The following FBXO25 variants were observed in gnomAD, a reference collection of about 807,000 sequenced individuals.
FBXO25 encodes F-box protein 25.
Under a neutral mutation model 51.9 loss-of-function variants are expected in FBXO25, and 45 were observed. That is an observed-to-expected ratio of 0.87 (90% confidence interval 0.68 to 1.11). The LOEUF is 1.11. FBXO25 is among the 50% of genes most tolerant of loss of function. FBXO25 has a pLI of 0.00. For missense variants in FBXO25, 507 were observed against 428.5 expected, an observed-to-expected ratio of 1.18 and a Z score of -1.62; for synonymous variants, 199 against 151.0, an observed-to-expected ratio of 1.32 and a Z score of -2.33.
At chr8:458,654 TTTCTAC>T (rs756512060) in intron 8 of FBXO25, 103 bp downstream of exon 8, 15 of 1,118,592 alleles carry the variant, frequency 1.3e-5, no homozygotes, top group Non-Finnish European at 1.8e-5. Flanking sequence ...GGCTGAGTAT[TTTCTAC>T]TTTTAAAGAA....
In FBXO25 at chr8:431,351, A is replaced by C; in HGVS notation, c.145A>C (p.Ser49Arg). Reference sequence around the variant, plus strand: ...GTGTCTTTATTTCAGTATCTTAAATAGTGAAGATGGAGAAATATTCAATAA... The same window carrying C: ...GTGTCTTTATTTCAGTATCTTAAATCGTGAAGATGGAGAAATATTCAATAA... ...CNISHSIILN[S>R]EDGEIFNNEE... Residue 49 changes from serine (S) to arginine (R), a missense_variant, in exon 3 of 10, where the codon AGT becomes CGT. By Grantham distance (110) the Ser-to-Arg change is moderately radical (BLOSUM62 -1). Transcript: ENST00000350302. 3 of 1,484,732 alleles carry C rather than the reference A, an allele frequency of 2.0e-6. No homozygotes were observed. Among genetic ancestry groups the C allele is most frequent in the Non-Finnish European group, 2.7e-6 (3 of 1,092,640 alleles). The allele number at this position is 1,484,732 out of a possible 1,614,324, so 92.0% of individuals were successfully genotyped here.
intron 5 of FBXO25, among the ~76,000 whole-genome samples, chr8:438,541 G>GT (rs1360304790): frequency 6.6e-6 from 1 of 152,132 alleles, no homozygotes; most frequent in African/African-American, 2.4e-5. Context: ...TGGAAGTTTC[G>GT]TTTTTACTCT....
intron 4 of FBXO25, among the ~76,000 whole-genome samples, 158 bp downstream of exon 4, chr8:433,093 C>T (rs566002430): frequency 6.6e-6 from 1 of 152,146 alleles, no homozygotes; most frequent in Admixed American, 6.5e-5. Flanking sequence ...ATATGAGGAG[C>T]TTTTGAGGCA....
At chr8:420,495 T>G (rs915998220) in intron 2 of FBXO25, 1 of 152,216 alleles carries the variant, frequency 6.6e-6, no homozygotes, top group African/African-American at 2.4e-5. Context: ...TGACTGTTAA[T>G]AGAGTTTTAT....
intron 9 of FBXO25, among the ~76,000 whole-genome samples, chr8:467,015 C>T (rs1479837731): frequency 1.6e-4 from 25 of 152,100 alleles, no homozygotes; most frequent in Admixed American, 1.6e-3. Context: ...AGAGGGCTGG[C>T]CATCTGACGT....
In FBXO25 at chr8:448,921, C is replaced by T. The variant is rs189199213; in HGVS notation, c.382-1069C>T. ...AGAGTTAAAATTCCAAAAGTAACCC[C>T]TAGTACAAAATAGTGCAAACATTTC... On this transcript the variant is annotated intron_variant, in intron 5 of 9. Transcript: ENST00000350302. Among the ~76,000 whole-genome samples, 437 of 152,278 alleles carry T rather than the reference C, an allele frequency of 2.9e-3. 6 individuals are homozygous for T. Among genetic ancestry groups the T allele is most frequent in the Non-Finnish European group, 2.7e-3 (184 of 68,030 alleles).
At position 413,134 on chromosome 8, in the gene FBXO25, G is replaced by A. The variant is rs773300956; in HGVS notation, c.55G>A (p.Glu19Lys). ...TCCTGGATGGAGTTGGATTAAGACA[G>A]AAGATGGCTGGAAGAGATGTGAATC... The part of the protein sequence containing the change: ...RSPGWSWIKT[E>K]DGWKRCESCS... Residue 19 changes from glutamate to lysine, a missense_variant, in exon 2 of 10, where the codon GAA (glutamate) becomes AAA (lysine). Coordinates refer to ENST00000350302, the MANE Select transcript of FBXO25 (RefSeq NM_183420.2). 1.1e-5 allele frequency: 17 copies of A among 1,610,798 alleles called. No homozygotes were observed. Among genetic ancestry groups the A allele is most frequent in the Non-Finnish European group, 1.4e-5 (16 of 1,178,612 alleles).
intron 4 of FBXO25, among the ~76,000 whole-genome samples, chr8:434,007 T>C (rs1243914869): frequency 6.6e-6 from 1 of 152,218 alleles, no homozygotes; most frequent in East Asian, 1.9e-4. Flanking sequence ...GTTGCCATAC[T>C]GATTACAGAA....
intron 9 of FBXO25, among the ~76,000 whole-genome samples, 191 bp downstream of exon 9, chr8:463,341 C>T (rs147562539): frequency 2.4e-3 from 365 of 152,334 alleles, no homozygotes; most frequent in Non-Finnish European, 4.5e-3. Context: ...AAACCAGAAA[C>T]GCTGAAAACC....
Position 475,780 on chromosome 8 carries a change from T to G in FBXO25, c.*6976T>G, listed in dbSNP as rs1057285723. 1 of 152,202 alleles carries G rather than the reference T, an allele frequency of 6.6e-6. No individual in the cohort carries two copies. The highest frequency in any genetic ancestry group is 6.5e-5 in the Admixed American group (1 of 15,282). 9.4% of individuals were successfully genotyped at this position (152,202 alleles called of 1,614,324 possible). On this transcript the variant is annotated 3_prime_UTR_variant, in exon 10 of 10. Transcript: ENST00000350302. ...TGTAAACTGCAGTGTTACTGAAATT[T>G]TTTTTTGTATATGTATGGACACTAG...
At chr8:413,525 T>C (rs1796612942) in intron 2 of FBXO25, among the ~76,000 whole-genome samples, 1 of 152,174 alleles carries the variant, frequency 6.6e-6, no homozygotes, top group Non-Finnish European at 1.5e-5. Context: ...TTTGGTGGCA[T>C]ATATCAGAAA....
chr8:435,105 G>A (rs1798024938), intron 4 of FBXO25, among the ~76,000 whole-genome samples: 1 of 152,132 alleles, frequency 6.6e-6, no homozygotes, highest in Admixed American at 6.5e-5. Flanking sequence ...TCCAGCCTGG[G>A]CAGTGCATGG....
intron 5 of FBXO25, among the ~76,000 whole-genome samples, chr8:439,089 CAG>C (rs1798266559): frequency 6.6e-6 from 1 of 152,224 alleles, no homozygotes; most frequent in Admixed American, 6.5e-5. Flanking sequence ...GCTGTAAACA[CAG>C]AGAGGGAGAC....
Position 435,724 on chromosome 8 carries a change from A to G in FBXO25, c.381+17A>G. The G allele has an allele frequency of 6.4e-7, 1 of 1,562,734 alleles. No homozygotes were observed. The highest frequency in any genetic ancestry group is 8.6e-7 in the Non-Finnish European group (1 of 1,157,432). Reference sequence around the variant, plus strand: ...GTGGTCAAAGTAAGTGTTCTATTTCAAAAACTACTTTGATGACTCTTTTGA... The same window carrying G: ...GTGGTCAAAGTAAGTGTTCTATTTCGAAAACTACTTTGATGACTCTTTTGA... On this transcript the variant is annotated intron_variant, in intron 5 of 9. Transcript: ENST00000350302.
chr8:430,936 C>G (rs946318898), intron 2 of FBXO25, among the ~76,000 whole-genome samples: 2 of 152,116 alleles, frequency 1.3e-5, no homozygotes, highest in African/African-American at 4.8e-5. Flanking sequence ...AGGGAGTAAA[C>G]AGAAATGTTG....
In FBXO25 at chr8:471,288, A is replaced by C. The variant is rs1800475887; in HGVS notation, c.*2484A>C. The C allele has an allele frequency of 6.6e-6, 1 of 152,204 alleles. No homozygotes were observed. The highest frequency in any genetic ancestry group is 2.4e-5 in the African/African-American group (1 of 41,440). The allele number at this position is 152,204 out of a possible 1,614,324, so 9.4% of individuals were successfully genotyped here. A position where few individuals can be genotyped will look rare whatever the true frequency, so the allele number is the denominator to read the frequency against. Reference sequence around the variant, plus strand: ...ATTGCTGGGGAGAGATTGAAAGGTTAATGGAGGGTATAAGGACAGAATAAA... The same window carrying C: ...ATTGCTGGGGAGAGATTGAAAGGTTCATGGAGGGTATAAGGACAGAATAAA... On this transcript the variant is annotated 3_prime_UTR_variant, in exon 10 of 10. Transcript: ENST00000350302.
intron 2 of FBXO25, among the ~76,000 whole-genome samples, chr8:422,699 A>G (rs768052152): frequency 6.6e-6 from 1 of 152,172 alleles, no homozygotes; most frequent in African/African-American, 2.4e-5. Flanking sequence ...AAGAAAATTA[A>G]TAGGCAAGCC....
intron 9 of FBXO25, among the ~76,000 whole-genome samples, chr8:463,424 C>G (rs1585104625): frequency 6.6e-6 from 1 of 151,802 alleles, no homozygotes; most frequent in East Asian, 1.9e-4. Context: ...AGTGACCTTT[C>G]CTGGCAGCAG....
chr8:422,678 A>T (rs1346817074), intron 2 of FBXO25, among the ~76,000 whole-genome samples: 1 of 152,202 alleles, frequency 6.6e-6, no homozygotes, highest in Non-Finnish European at 1.5e-5. Context: ...AAGTCTTTTT[A>T]AGTCATCATT....
Sources: gnomAD v4.1 joint callset for allele counts (sites outside exome capture counted in the v4.1 genomes callset) on GRCh38, gnomAD v4.1.1 for gene constraint, MANE v1.5 for transcripts, NCBI Gene and HGNC (gene_info 2026-07-23, HGNC 2026-07-21) for gene names.